COMTD1: variants seen among roughly 807,000 people sequenced by gnomAD.
COMTD1 encodes catechol-O-methyltransferase domain containing 1.
A neutral mutation model predicts 33.6 loss-of-function variants in COMTD1; 35 were observed. The ratio of observed to expected loss-of-function variants is 1.04; its 90% CI spans 0.80 to 1.38. The LOEUF is 1.38. COMTD1 is among the 40% of genes most tolerant of loss of function. COMTD1 has a pLI of 0.00. For synonymous variants in COMTD1, 160 were observed against 176.8 expected, an observed-to-expected ratio of 0.91 and a Z score of 0.75; for missense variants, 370 against 363.4, an observed-to-expected ratio of 1.02 and a Z score of -0.15.
chr10:75,235,159 G>A lies in COMTD1; in HGVS notation c.348C>T (p.Ser116=). The change falls in exon 4 of 7, where the codon TCC becomes TCT. Residue 116 remains serine, a synonymous_variant. Transcript: ENST00000372538. The stretch of plus-strand genomic sequence containing the variant: ...GCAGCGCCAGGGCCAGGGCCAGGGC[G>A]GAGTAGCCCGTGAAGGTGCCTGGGA... ...ALDLGTFTGY[S]ALALALALPA... The A allele has an allele frequency of 3.6e-6, 5 of 1,404,110 alleles. No individual in the cohort carries two copies. The highest frequency in any genetic ancestry group is 4.6e-6 in the Non-Finnish European group (5 of 1,085,740). 87.0% of individuals were successfully genotyped at this position (1,404,110 alleles called of 1,614,324 possible). A position where few individuals can be genotyped will look rare whatever the true frequency, so the allele number is the denominator to read the frequency against.
chr10:75,234,589 C>T (rs752379495), intron 6 of COMTD1, 21 bp downstream of exon 6: 1 of 1,546,736 alleles, frequency 6.5e-7, no homozygotes, highest in South Asian at 1.2e-5. Context: ...GCTTTCTCCT[C>T]CCCCGCAGTG....
chr10:75,234,288 G>T, intron 6 of COMTD1, 63 bp from the exon 7 acceptor site: 1 of 1,518,286 alleles, frequency 6.6e-7, no homozygotes, highest in Non-Finnish European at 8.9e-7. Context: ...GTGCTCGGGC[G>T]GAAGGCGGGG....
intron 2 of COMTD1, 60 bp from the exon 3 acceptor site, chr10:75,235,432 C>T: frequency 1.5e-6 from 2 of 1,371,688 alleles, no homozygotes; most frequent in Non-Finnish European, 1.9e-6. Flanking sequence ...CCCTGGGGGT[C>T]CCAAGCCCCA....
Position 75,235,563 on chromosome 10 carries a change from G to A in COMTD1, c.222+53C>T, listed in dbSNP as rs1314324758. 4 of 1,518,266 alleles carry A rather than the reference G, an allele frequency of 2.6e-6. No homozygotes were observed. The African/African-American group carries it at 4.2e-5, about 16-fold the overall frequency. 94.0% of individuals were successfully genotyped at this position (1,518,266 alleles called of 1,614,324 possible). A position where few individuals can be genotyped will look rare whatever the true frequency, so the allele number is the denominator to read the frequency against. On this transcript the variant is annotated intron_variant, in intron 2 of 6. Transcript: ENST00000372538. Reference sequence around the variant, plus strand: ...CCAGCCCAAGGTCACACAGCCACGTGGGACCCGCAGGGGTCGAGAGGGACG... The same window carrying A: ...CCAGCCCAAGGTCACACAGCCACGTAGGACCCGCAGGGGTCGAGAGGGACG...
chr10:75,234,436 C>A, intron 6 of COMTD1, 174 bp downstream of exon 6: 1 of 1,155,380 alleles, frequency 8.7e-7, no homozygotes, highest in Non-Finnish European at 1.2e-6. Context: ...GTGACCAGAG[C>A]TGGAGACAGA....
rs754784875 is a variant in COMTD1, at chr10:75,234,215, C to A, written c.647G>T (p.Arg216Leu). 1 of 1,611,384 alleles carries A rather than the reference C, an allele frequency of 6.2e-7. No individual in the cohort carries two copies. Among genetic ancestry groups the A allele is most frequent in the Non-Finnish European group, 8.5e-7 (1 of 1,179,652 alleles). ...GILAVLRVLW[R>L]GKVLQPPKGD... ...TTTCGGAGGTTGCAGCACCTTCCCG[C>A]GCCACAGGACCTGCGGGAGGGCGGG... Residue 216 changes from arginine (R) to leucine (L), a missense_variant, in exon 7 of 7, where the codon CGC becomes CTC. By Grantham distance (102) the Arg-to-Leu change is moderately radical. Coordinates refer to ENST00000372538, the MANE Select transcript of COMTD1 (RefSeq NM_144589.4).
chr10:75,233,895 C>A lies in COMTD1; in HGVS notation c.*178G>T. ...AGGGGACGAATCTCAAGGCCCCTTT[C>A]ACTGAAGGCAGGAGCTGTCTGTGCT... On this transcript the variant is annotated 3_prime_UTR_variant, in exon 7 of 7. Coordinates refer to ENST00000372538, the MANE Select transcript of COMTD1 (RefSeq NM_144589.4). 6.9e-7 allele frequency: 1 copy of A among 1,440,738 alleles called. No individual in the cohort carries two copies. Among genetic ancestry groups the A allele is most frequent in the Non-Finnish European group, 9.1e-7 (1 of 1,096,880 alleles). 89.2% of individuals were successfully genotyped at this position (1,440,738 alleles called of 1,614,324 possible). A position where few individuals can be genotyped will look rare whatever the true frequency, so the allele number is the denominator to read the frequency against.
intron 5 of COMTD1, 42 bp downstream of exon 5, chr10:75,234,896 T>C (rs1842167483): frequency 1.3e-6 from 2 of 1,536,042 alleles, no homozygotes; most frequent in East Asian, 5.1e-5. Context: ...CAGCCTCGTT[T>C]GCAATGAATG....
Position 75,234,066 on chromosome 10 carries a change from GCCAGCCC to G in COMTD1, c.789_*6del. The G allele has an allele frequency of 6.2e-7, 1 of 1,613,934 alleles. No individual in the cohort carries two copies. Among genetic ancestry groups the G allele is most frequent in the South Asian group, 1.1e-5 (1 of 91,090 alleles). On this transcript the variant is annotated stop_lost and 3_prime_UTR_variant, in exon 7 of 7. Transcript: ENST00000372538. ...CCTCCCTCGAGCCCACTCACTAGGG[GCCAGCCC>G]TAGATCTTGAAGGCCAAGGTGAGTC...
chr10:75,234,519 G>C (rs1842159099), intron 6 of COMTD1, 91 bp downstream of exon 6: 2 of 1,472,806 alleles, frequency 1.4e-6, no homozygotes, highest in Non-Finnish European at 9.1e-7. Context: ...ACTGGACTGG[G>C]TGGGGCTTTG....
rs1264297312 is a variant in COMTD1, at chr10:75,234,742, G to C, written c.504C>G (p.Asp168Glu). ...LRLKPALETL[D>E]ELLAAGEAGT... ...CGGCCTCGCCCGCCGCCAGCAGCTC[G>C]TCTTGCGGGGGGAGGGAGGGCAGGT... Residue 168 changes from aspartate (D) to glutamate (E), a missense_variant and splice_region_variant, in exon 6 of 7, where the codon GAC (aspartate) becomes GAG (glutamate). Transcript: ENST00000372538. The C allele has an allele frequency of 1.3e-6, 2 of 1,585,158 alleles. No individual in the cohort carries two copies. Among genetic ancestry groups the C allele is most frequent in the African/African-American group, 1.4e-5 (1 of 73,502 alleles).
At chr10:75,235,784 C>T (rs1011669851) in intron 1 of COMTD1, 41 bp from the exon 2 acceptor site, 5 of 1,565,880 alleles carry the variant, frequency 3.2e-6, no homozygotes, top group Middle Eastern at 2.2e-4. Context: ...AGCCACGCCG[C>T]GCCCTACTCT....
In COMTD1 at chr10:75,234,049, G is replaced by A. The variant is rs779832968; in HGVS notation, c.*24C>T. On this transcript the variant is annotated 3_prime_UTR_variant, in exon 7 of 7. Transcript: ENST00000372538. Reference sequence around the variant, plus strand: ...TGGGGTTCCCAGGCAACCCTCCCTCGAGCCCACTCACTAGGGGCCAGCCCT... The same window carrying A: ...TGGGGTTCCCAGGCAACCCTCCCTCAAGCCCACTCACTAGGGGCCAGCCCT... 6 of 1,613,664 alleles carry A rather than the reference G, an allele frequency of 3.7e-6. No individual in the cohort carries two copies. The African/African-American group carries it at 6.7e-5, about 18-fold the overall frequency.
chr10:75,234,366 T>C, intron 6 of COMTD1, 141 bp from the exon 7 acceptor site: 1 of 1,011,440 alleles, frequency 9.9e-7, no homozygotes, highest in Non-Finnish European at 1.4e-6. Context: ...GAAGGCGGGG[T>C]CTCGGAGGGA....
At position 75,234,699 on chromosome 10, in the gene COMTD1, C is replaced by G. The variant is rs924587015; in HGVS notation, c.547G>C (p.Val183Leu). ...CAGTTCTCCTTGTCCGCATCCACCA[C>G]GGCCACGTCGAAGGTGCCGGCCTCG... ...AGEAGTFDVAVVDADKENCSA... is the reference protein window; with the variant it reads ...AGEAGTFDVALVDADKENCSA... The change falls in exon 6 of 7, where the codon GTG becomes CTG. Residue 183 changes from valine (V) to leucine (L), a missense_variant. Transcript: ENST00000372538. 1 of 1,592,076 alleles carries G rather than the reference C, an allele frequency of 6.3e-7. No individual in the cohort carries two copies. Among genetic ancestry groups the G allele is most frequent in the East Asian group, 2.3e-5 (1 of 43,636 alleles).
At chr10:75,234,843 C>A (rs1442312235) in intron 5 of COMTD1, 95 bp downstream of exon 5, 1 of 1,531,604 alleles carries the variant, frequency 6.5e-7, no homozygotes. Context: ...CCGGCCCTGC[C>A]CTTAACCTGC....
At position 75,235,756 on chromosome 10, in the gene COMTD1, G is replaced by C. The variant is rs765631270; in HGVS notation, c.95-13C>G. ...GGGCACCGCCTCCCTGACGGGGAGA[G>C]GGTGTTGGATTAACCTGAGCCACGC... On this transcript the variant is annotated splice_polypyrimidine_tract_variant and intron_variant, in intron 1 of 6. Transcript: ENST00000372538. 6.3e-7 allele frequency: 1 copy of C among 1,594,582 alleles called. No homozygotes were observed. Among genetic ancestry groups the C allele is most frequent in the Non-Finnish European group, 8.5e-7 (1 of 1,172,436 alleles).
At position 75,234,227 on chromosome 10, in the gene COMTD1, T is replaced by C. The variant is rs780874856; in HGVS notation, c.637-2A>G. The C allele has an allele frequency of 2.5e-6, 4 of 1,607,358 alleles. No homozygotes were observed. The highest frequency in any genetic ancestry group is 1.3e-5 in the African/African-American group (1 of 74,764). On this transcript the variant is annotated splice_acceptor_variant, in intron 6 of 6. Transcript: ENST00000372538. LOFTEE classifies it high-confidence loss of function. ...CAGCACCTTCCCGCGCCACAGGACC[T>C]GCGGGAGGGCGGGGCCAACCGGGCC...
Position 75,234,060 on chromosome 10 carries a change from C to A in COMTD1, c.*13G>T. 6.2e-7 allele frequency: 1 copy of A among 1,613,972 alleles called. No individual in the cohort carries two copies. Among genetic ancestry groups the A allele is most frequent in the Non-Finnish European group, 8.5e-7 (1 of 1,180,036 alleles). On this transcript the variant is annotated 3_prime_UTR_variant, in exon 7 of 7. Coordinates refer to ENST00000372538, the MANE Select transcript of COMTD1 (RefSeq NM_144589.4). ...GGCAACCCTCCCTCGAGCCCACTCA[C>A]TAGGGGCCAGCCCTAGATCTTGAAG...
Sources: allele counts gnomAD v4.1 joint callset, GRCh38; gene constraint gnomAD v4.1.1; transcripts MANE v1.5; gene names NCBI Gene and HGNC (gene_info 2026-07-23, HGNC 2026-07-21).